GPHN: variants seen among roughly 807,000 people sequenced by gnomAD.
GPHN encodes gephyrin.
A neutral mutation model predicts 95.5 loss-of-function variants in GPHN; 17 were observed. That is an observed-to-expected ratio of 0.18 (90% confidence interval 0.12 to 0.27). GPHN has a LOEUF of 0.27. Ranked by LOEUF, GPHN falls within the 10% of genes least tolerant of loss-of-function variation. GPHN has a pLI of 1.00. For missense variants in GPHN, 660 were observed against 978.1 expected (o/e 0.67, Z 4.34); for synonymous variants, 320 against 322.5 (o/e 0.99, Z 0.08).
At chr14:67,102,029 G>A (rs1451049821) in intron 13 of GPHN, among the ~76,000 whole-genome samples, 1 of 151,750 alleles carries the variant, frequency 6.6e-6, no homozygotes, top group Admixed American at 6.6e-5. Flanking sequence ...CCGCCACCAC[G>A]CCCGCCTAAT....
At chr14:66,644,645 GAGAA>G (rs34950235) in intron 1 of GPHN, among the ~76,000 whole-genome samples, 38,001 of 151,648 alleles carry the variant, frequency 0.25, 9,585 homozygotes, top group African/African-American at 0.62. Flanking sequence ...TTTTAAACAT[GAGAA>G]AGAAAGTCTC....
At chr14:67,589,374 A>G in the GPHN span, 2 of 984,552 alleles carry the variant, frequency 2.0e-6, no homozygotes, top group African/African-American at 3.5e-5. Flanking sequence ...CCAAAGTCCA[A>G]TTTCTGTCTG....
At chr14:66,602,707 T>C (rs1278449351) in intron 1 of GPHN, among the ~76,000 whole-genome samples, 2 of 151,802 alleles carry the variant, frequency 1.3e-5, no homozygotes, top group Non-Finnish European at 2.9e-5. Flanking sequence ...GTAGGGAAAA[T>C]TCAAGGTCAA....
chr14:66,812,043 C>G (rs185092812), intron 3 of GPHN, among the ~76,000 whole-genome samples: 18 of 152,318 alleles, frequency 1.2e-4, no homozygotes, highest in Admixed American at 2.0e-4. Flanking sequence ...CAGCTAAAAC[C>G]TGCTGGCTTC....
chr14:67,733,854 G>C, the GPHN span: 3 of 1,600,466 alleles, frequency 1.9e-6, no homozygotes, highest in Non-Finnish European at 2.6e-6. Context: ...AGTAGCTGGT[G>C]GAAGAGCTGC....
intron 18 of GPHN, among the ~76,000 whole-genome samples, chr14:67,146,656 G>C (rs567572567): frequency 6.6e-6 from 1 of 152,308 alleles, no homozygotes; most frequent in African/African-American, 2.4e-5. Context: ...GGTTTGCCCA[G>C]TTATTTAGCA....
At chr14:67,296,820 A>T in the GPHN span, among the ~76,000 whole-genome samples, 7 of 152,008 alleles carry the variant, frequency 4.6e-5, no homozygotes, top group Non-Finnish European at 5.9e-5. Flanking sequence ...CTGCAACCTC[A>T]ACCTCCTGGG....
intron 5 of GPHN, among the ~76,000 whole-genome samples, chr14:66,903,671 C>T (rs1337833630): frequency 6.6e-6 from 1 of 152,112 alleles, no homozygotes; most frequent in African/African-American, 2.4e-5. Flanking sequence ...TAAGGACTTA[C>T]TCCTGCCATT....
the GPHN span, chr14:67,473,643 A>T: frequency 6.3e-7 from 1 of 1,581,686 alleles, no homozygotes; most frequent in Non-Finnish European, 8.6e-7. The surrounding 1 kb of genome is among the most constrained non-coding windows in gnomAD (Gnocchi z 6.5). Context: ...CTGGCGCAGG[A>T]TGAAGCCGGT....
At position 66,897,253 on chromosome 14, in the gene GPHN, G is replaced by T. The variant is rs1052514483; in HGVS notation, c.389+17220G>T. ...TCTTTCATTTGTTCATGGGTACTTA[G>T]GTTGACTTCATATTTTGCCTGTTGT... On this transcript the variant is annotated intron_variant, in intron 5 of 22. Coordinates refer to ENST00000478722, the MANE Select transcript of GPHN (RefSeq NM_020806.5). 2.0e-5 allele frequency among the ~76,000 whole-genome samples: 3 copies of T among 152,188 alleles called. No individual in the cohort carries two copies. The South Asian group carries it at 6.2e-4, about 32-fold the overall frequency.
chr14:67,301,398 G>C, the GPHN span: 1 of 1,608,544 alleles, frequency 6.2e-7, no homozygotes, highest in Non-Finnish European at 8.5e-7. Context: ...GGTACAAACT[G>C]TTTTGAAGCC....
chr14:67,518,346 C>T, the GPHN span, among the ~76,000 whole-genome samples: 1 of 152,188 alleles, frequency 6.6e-6, no homozygotes, highest in African/African-American at 2.4e-5. Context: ...CTATTTTTCT[C>T]ATCTGCAAAA....
chr14:67,040,026 G>GTATAAT (rs771369629), intron 10 of GPHN, among the ~76,000 whole-genome samples: 100 of 152,064 alleles, frequency 6.6e-4, no homozygotes, highest in Non-Finnish European at 1.2e-3. Context: ...ATATAAATAA[G>GTATAAT]TATAATTACT....
At chr14:67,579,537 A>G in the GPHN span, 2,316 of 657,534 alleles carry the variant, frequency 3.5e-3, 8 homozygotes, top group Non-Finnish European at 4.7e-3. Context: ...CAGTTCATTT[A>G]CAGTGGATAA....
the GPHN span, chr14:67,647,653 G>C: frequency 1.3e-5 from 2 of 159,868 alleles, no homozygotes; most frequent in Admixed American, 6.4e-5. Flanking sequence ...CTTACATCAA[G>C]CCAATTTAAA....
At chr14:67,524,377 T>C in the GPHN span, among the ~76,000 whole-genome samples, 1 of 152,146 alleles carries the variant, frequency 6.6e-6, no homozygotes, top group African/African-American at 2.4e-5. Flanking sequence ...CCCAGAACTC[T>C]AAGAATGCCA....
chr14:67,198,185 T>A, the GPHN span: 6 of 1,613,542 alleles, frequency 3.7e-6, no homozygotes, highest in Non-Finnish European at 5.1e-6. Context: ...CCAGCAAGAC[T>A]ACCATGAGGA....
At chr14:66,769,417 T>A (rs568903444) in intron 2 of GPHN, among the ~76,000 whole-genome samples, 2 of 152,148 alleles carry the variant, frequency 1.3e-5, no homozygotes, top group Non-Finnish European at 2.9e-5. Context: ...GATTATTTTG[T>A]CACCCAGGTA....
At chr14:67,624,856 G>A in the GPHN span, among the ~76,000 whole-genome samples, 1 of 152,206 alleles carries the variant, frequency 6.6e-6, no homozygotes, top group Non-Finnish European at 1.5e-5. Flanking sequence ...ATCTCAGTAA[G>A]AACATTAAGA....
Sources: allele counts gnomAD v4.1 joint callset (sites outside exome capture counted in the v4.1 genomes callset), GRCh38; gene constraint gnomAD v4.1.1; non-coding constraint Gnocchi (gnomAD v3.1); transcripts MANE v1.5; gene names NCBI Gene and HGNC (gene_info 2026-07-23, HGNC 2026-07-21).